VLDLR: variants seen among roughly 807,000 people sequenced by gnomAD.
The protein encoded by VLDLR is very low-density lipoprotein receptor.
In VLDLR, 81 loss-of-function variants were observed where a neutral mutation model predicts 112.7. That is an observed-to-expected ratio of 0.72 (90% CI 0.60 to 0.86). The LOEUF is 0.86. Ranked by LOEUF, VLDLR falls within the 40% of genes least tolerant of loss-of-function variation. VLDLR has a pLI of 0.00. For missense variants in VLDLR, 1,237 were observed against 1,099.4 expected, an observed-to-expected ratio of 1.13 and a Z score of -1.77; for synonymous variants, 436 against 384.8, an observed-to-expected ratio of 1.13 and a Z score of -1.56.
chr9:2,640,851 C>G (rs958180035), intron 3 of VLDLR, among the ~76,000 whole-genome samples: 4 of 152,166 alleles, frequency 2.6e-5, no homozygotes, highest in Non-Finnish European at 5.9e-5. Context: ...AAGATTCAGC[C>G]TCAACTTTTA....
In VLDLR at chr9:2,643,916, G is replaced by A; in HGVS notation, c.1023G>A (p.Glu341=). ...ATATCAGCAAAGTATGTAACCAGGA[G>A]CAGGACTGCAGGGACTGGAGTGATG... The part of the protein sequence containing the change: ...CIDISKVCNQ[E]QDCRDWSDEP... The change falls in exon 7 of 19, where the codon GAG becomes GAA. Residue 341 remains glutamate, a synonymous_variant. Coordinates refer to ENST00000382100, the MANE Select transcript of VLDLR (RefSeq NM_003383.5). 6.2e-7 allele frequency: 1 copy of A among 1,614,124 alleles called. No homozygotes were observed. Among genetic ancestry groups the A allele is most frequent in the Non-Finnish European group, 8.5e-7 (1 of 1,180,030 alleles).
Position 2,653,993 on chromosome 9 carries a change from C to G in VLDLR, c.*125C>G. On this transcript the variant is annotated 3_prime_UTR_variant, in exon 19 of 19. Transcript: ENST00000382100. ...CTGGAAGAACATCAAGATACCTTTG[C>G]GTGGATCAAGCTTGTGTACTTGACC... is the stretch of plus-strand genomic sequence containing the variant. 1.0e-6 allele frequency: 1 copy of G among 976,234 alleles called. No homozygotes were observed. Among genetic ancestry groups the G allele is most frequent in the South Asian group, 1.3e-5 (1 of 75,976 alleles). The allele number at this position is 976,234 out of a possible 1,614,324, so 60.5% of individuals were successfully genotyped here.
At chr9:2,641,176 C>T (rs761308100) in intron 3 of VLDLR, among the ~76,000 whole-genome samples, 8 of 152,168 alleles carry the variant, frequency 5.3e-5, no homozygotes, top group Non-Finnish European at 1.2e-4. Flanking sequence ...CTGTCACGTA[C>T]ACTGCCAGGT....
rs201960062 is a variant in VLDLR, at chr9:2,646,789, G to T, written c.1703+237G>T. Among the ~76,000 whole-genome samples the T allele has an allele frequency of 2.1e-4, 32 of 152,310 alleles. No individual in the cohort carries two copies. The East Asian group carries it at 6.0e-3, about 28-fold the overall frequency. ...TGACTGATTGCTGGCTGACATTAAT[G>T]AATTAACATTCCTGATTTGATGTGT... is the stretch of plus-strand genomic sequence containing the variant. On this transcript the variant is annotated intron_variant, in intron 11 of 18. Coordinates refer to ENST00000382100, the MANE Select transcript of VLDLR (RefSeq NM_003383.5).
chr9:2,658,587 G>A lies in VLDLR; in HGVS notation c.*4719G>A, dbSNP rs11790283. 0.12 allele frequency: 18,867 copies of A among 152,222 alleles called. 1,622 individuals are homozygous for A. The highest frequency in any genetic ancestry group is 0.18 in the Non-Finnish European group (12,245 of 67,996). 9.4% of individuals were successfully genotyped at this position (152,222 alleles called of 1,614,324 possible). A position where few individuals can be genotyped will look rare whatever the true frequency, so the allele number is the denominator to read the frequency against. On this transcript the variant is annotated 3_prime_UTR_variant, in exon 19 of 19. Coordinates refer to ENST00000382100, the MANE Select transcript of VLDLR (RefSeq NM_003383.5). ...AACAGCATAGACTTCCGTGTCTTGT[G>A]TGTGGTACCTTGGGCAAGTTACTAA...
intron 1 of VLDLR, 43 bp from the exon 2 acceptor site, chr9:2,635,410 A>G: frequency 1.9e-6 from 3 of 1,613,104 alleles, no homozygotes; most frequent in Non-Finnish European, 2.5e-6. Context: ...TCTTGAATCT[A>G]TAACCAATCC....
intron 8 of VLDLR, 33 bp downstream of exon 8, chr9:2,644,886 G>A: frequency 2.5e-6 from 4 of 1,614,122 alleles, no homozygotes; most frequent in Non-Finnish European, 3.4e-6. Context: ...GACCCTGCAG[G>A]TGATGGGAAA....
In VLDLR at chr9:2,635,463, C is replaced by T; in HGVS notation, c.93C>T (p.Ala31=). ...ESGATGTGRK[A]KCEPSQFQCT... is the part of the protein sequence containing the mutation. ...CCCTTCTTATTCTAGGGAGAAAAGC[C>T]AAATGTGAACCCTCCCAATTCCAGT... is the stretch of plus-strand genomic sequence containing the variant. The change falls in exon 2 of 19, where the codon GCC becomes GCT. Residue 31 remains alanine (A), a synonymous_variant. Coordinates refer to ENST00000382100, the MANE Select transcript of VLDLR (RefSeq NM_003383.5). The T allele has an allele frequency of 1.2e-6, 2 of 1,613,962 alleles. No homozygotes were observed. The highest frequency in any genetic ancestry group is 8.5e-7 in the Non-Finnish European group (1 of 1,179,940).
In VLDLR at chr9:2,643,238, A is replaced by C. The variant is rs751560927; in HGVS notation, c.527A>C (p.Gln176Pro). The C allele has an allele frequency of 6.2e-7, 1 of 1,614,172 alleles. No individual in the cohort carries two copies. The highest frequency in any genetic ancestry group is 8.5e-7 in the Non-Finnish European group (1 of 1,180,028). The change falls in exon 5 of 19, where the codon CAG becomes CCG. Residue 176 changes from glutamine (Q) to proline (P), a missense_variant. Gln to Pro is a moderately conservative substitution (Grantham distance 76, BLOSUM62 -1). Coordinates refer to ENST00000382100, the MANE Select transcript of VLDLR (RefSeq NM_003383.5). Reference sequence around the variant, plus strand: ...TCCAGGAACTTTGTATGCAATGGCCAGGATGACTGCAGCGATGGCAGTGAT... The same window carrying C: ...TCCAGGAACTTTGTATGCAATGGCCCGGATGACTGCAGCGATGGCAGTGAT... ...CISRNFVCNG[Q>P]DDCSDGSDEL...
In VLDLR at chr9:2,652,870, T is replaced by A; in HGVS notation, c.2507T>A (p.Val836Glu). 1 of 1,614,132 alleles carries A rather than the reference T, an allele frequency of 6.2e-7. No homozygotes were observed. Among genetic ancestry groups the A allele is most frequent in the Non-Finnish European group, 8.5e-7 (1 of 1,179,990 alleles). Residue 836 changes from valine to glutamate, a missense_variant, in exon 18 of 19, where the codon GTG becomes GAG. Physicochemically the swap from Val to Glu is moderately radical, Grantham distance 121. Coordinates refer to ENST00000382100, the MANE Select transcript of VLDLR (RefSeq NM_003383.5). ...NMKSMNFDNP[V>E]YLKTTEEDLS... ...AAAAGCATGAACTTTGACAATCCTG[T>A]GTACTTGAAAACCACTGAAGAGGAC...
In VLDLR at chr9:2,643,274, G is replaced by GT; in HGVS notation, c.564dup (p.Ala189CysfsTer9). 6.2e-7 allele frequency: 1 copy of GT among 1,613,898 alleles called. No homozygotes were observed. The highest frequency in any genetic ancestry group is 8.5e-7 in the Non-Finnish European group (1 of 1,179,804). On this transcript the variant is annotated frameshift_variant, in exon 5 of 19. Transcript: ENST00000382100. LOFTEE classifies it high-confidence loss of function. ...AGCGATGGCAGTGATGAGCTGGACT[G>GT]TGCCCCGCCAACCTGTGGCGCCCAT... is the stretch of plus-strand genomic sequence containing the variant.
In VLDLR at chr9:2,647,577, A is replaced by G. The variant is rs1374333959; in HGVS notation, c.1807A>G (p.Asn603Asp). The change falls in exon 12 of 19, where the codon AAC becomes GAC. Residue 603 changes from asparagine (N) to aspartate (D), a missense_variant. Physicochemically the swap from Asn to Asp is conservative, Grantham distance 23 (BLOSUM62 1). Transcript: ENST00000382100. ...GGTGACAGCGGATATCCAGTGGCCT[A>G]ACGGAATTACACTTGGTATGTATGT... Reference protein sequence around the residue: ...PLVTADIQWPNGITLDLIKSR... With the variant: ...PLVTADIQWPDGITLDLIKSR... 1 of 1,613,868 alleles carries G rather than the reference A, an allele frequency of 6.2e-7. No individual in the cohort carries two copies. The highest frequency in any genetic ancestry group is 1.3e-5 in the African/African-American group (1 of 75,054).
chr9:2,659,318 T>A lies in VLDLR; in HGVS notation c.*5450T>A, dbSNP rs80084157. The A allele has an allele frequency of 6.6e-6, 1 of 152,210 alleles. No homozygotes were observed. The highest frequency in any genetic ancestry group is 1.5e-5 in the Non-Finnish European group (1 of 68,056). 9.4% of individuals were successfully genotyped at this position (152,210 alleles called of 1,614,324 possible). ...GCATTGCATGTTTGCTGAGTCCTCC[T>A]CATTGCTGATGTTAGGATCCTTCAA... On this transcript the variant is annotated 3_prime_UTR_variant, in exon 19 of 19. Coordinates refer to ENST00000382100, the MANE Select transcript of VLDLR (RefSeq NM_003383.5).
chr9:2,658,189 T>C lies in VLDLR; in HGVS notation c.*4321T>C, dbSNP rs1818673732. 6.6e-6 allele frequency: 1 copy of C among 152,196 alleles called. No individual in the cohort carries two copies. Among genetic ancestry groups the C allele is most frequent in the Non-Finnish European group, 1.5e-5 (1 of 68,042 alleles). The allele number at this position is 152,196 out of a possible 1,614,324, so 9.4% of individuals were successfully genotyped here. A position where few individuals can be genotyped will look rare whatever the true frequency, so the allele number is the denominator to read the frequency against. ...CACATCTACCTTCACACAGGAAAGC[T>C]GAATGCATTTTACCAGTGAGGCTCT... On this transcript the variant is annotated 3_prime_UTR_variant, in exon 19 of 19. Coordinates refer to ENST00000382100, the MANE Select transcript of VLDLR (RefSeq NM_003383.5).
At chr9:2,629,794 CTGTT>C (rs750332073) in intron 1 of VLDLR, among the ~76,000 whole-genome samples, 113 of 151,858 alleles carry the variant, frequency 7.4e-4, no homozygotes, top group African/African-American at 2.4e-3. Context: ...GTTTTTGTTG[CTGTT>C]TGTTTGTTTG....
Position 2,645,607 on chromosome 9 carries a change from G to A in VLDLR, c.1346G>A (p.Arg449Lys), listed in dbSNP as rs1350531045. 6.2e-7 allele frequency: 1 copy of A among 1,614,216 alleles called. No individual in the cohort carries two copies. Among genetic ancestry groups the A allele is most frequent in the Admixed American group, 1.7e-5 (1 of 60,034 alleles). Reference protein sequence around the residue: ...KEPSLIFTNRRDIRKIGLERK... With the variant: ...KEPSLIFTNRKDIRKIGLERK... ...CCAAGTCTGATCTTCACTAATCGAA[G>A]AGACATCAGGAAGATTGGCTTAGAG... Residue 449 changes from arginine (R) to lysine (K), a missense_variant, in exon 10 of 19, where the codon AGA (arginine) becomes AAA (lysine). Transcript: ENST00000382100.
intron 16 of VLDLR, 49 bp from the exon 17 acceptor site, chr9:2,651,825 A>C (rs1403040023): frequency 6.2e-7 from 1 of 1,608,160 alleles, no homozygotes; most frequent in East Asian, 2.2e-5. Flanking sequence ...GTAAATTTCT[A>C]AGTCTGAATA....
intron 2 of VLDLR, among the ~76,000 whole-genome samples, chr9:2,636,983 A>G (rs184925172): frequency 2.1e-4 from 32 of 152,296 alleles, no homozygotes; most frequent in African/African-American, 7.7e-4. Context: ...GGATTTTTCT[A>G]AAATAGTCTT....
rs754757495 is a variant in VLDLR at position 2,643,531 on chromosome 9, C to T, written c.820C>T (p.Pro274Ser). Residue 274 changes from proline (P) to serine (S), a missense_variant and splice_region_variant, in exon 5 of 19, where the codon CCC becomes TCC. Transcript: ENST00000382100. The part of the protein sequence containing the change: ...CKDGSDEVNC[P>S]SRTCRPDQFE... ...GGATGGCAGTGATGAGGTCAACTGT[C>T]GTAAGTAGCTTTCTAGCATGGCATG... 15 of 1,614,004 alleles carry T rather than the reference C, an allele frequency of 9.3e-6. No individual in the cohort carries two copies. The highest frequency in any genetic ancestry group is 1.6e-4 in the Middle Eastern group (1 of 6,084).
Sources: gnomAD v4.1 joint callset for allele counts (sites outside exome capture counted in the v4.1 genomes callset) on GRCh38, gnomAD v4.1.1 for gene constraint, MANE v1.5 for transcripts, NCBI Gene and HGNC (gene_info 2026-07-23, HGNC 2026-07-21) for gene names.